WWP2: variants seen among roughly 807,000 people sequenced by gnomAD.
WWP2 encodes NEDD4-like E3 ubiquitin-protein ligase WWP2.
A neutral mutation model predicts 121.0 loss-of-function variants in WWP2; 57 were observed. The ratio of observed to expected loss-of-function variants is 0.47; its 90% CI spans 0.38 to 0.59. WWP2 has a LOEUF of 0.59. WWP2 is among the 20% of genes least tolerant of loss of function. WWP2 has a pLI of 0.00. For missense variants in WWP2, 962 were observed against 1,158.9 expected (o/e 0.83, Z 2.47); for synonymous variants, 449 against 441.3 (o/e 1.02, Z -0.22).
intron 1 of WWP2, among the ~76,000 whole-genome samples, chr16:69,772,942 T>C (rs2055447215): frequency 6.6e-6 from 1 of 152,014 alleles, no homozygotes; most frequent in Non-Finnish European, 1.5e-5. Flanking sequence ...TTCCGTTGTG[T>C]TTTTTTCCCT....
chr16:69,818,837 C>G (rs1304255809), intron 4 of WWP2, among the ~76,000 whole-genome samples: 1 of 152,018 alleles, frequency 6.6e-6, no homozygotes, highest in Admixed American at 6.6e-5. Flanking sequence ...TTAATTTACC[C>G]CCCTTTCATT....
chr16:69,790,649 C>T (rs2055890031), intron 2 of WWP2, among the ~76,000 whole-genome samples: 1 of 152,114 alleles, frequency 6.6e-6, no homozygotes, highest in South Asian at 2.1e-4. Flanking sequence ...GATCTTGGCT[C>T]ACTGCGACCT....
At position 69,940,901 on chromosome 16, in the gene WWP2, T is replaced by C. The variant is rs369500889; in HGVS notation, c.*961T>C. The stretch of plus-strand genomic sequence containing the variant: ...AGCGCCACTCCTAGCCTTGCCGCCT[T>C]CAATAGAGAAGAAATCCCTTTGCTA... On this transcript the variant is annotated 3_prime_UTR_variant, in exon 24 of 24. Coordinates refer to ENST00000359154, the MANE Select transcript of WWP2 (RefSeq NM_001270454.2). The C allele has an allele frequency of 4.6e-5, 7 of 153,702 alleles. No homozygotes were observed. The highest frequency in any genetic ancestry group is 3.9e-4 in the East Asian group (2 of 5,188). The allele number at this position is 153,702 out of a possible 1,614,324, so 9.5% of individuals were successfully genotyped here. A position where few individuals can be genotyped will look rare whatever the true frequency, so the allele number is the denominator to read the frequency against.
chr16:69,797,626 C>T (rs979956918), intron 2 of WWP2, among the ~76,000 whole-genome samples: 1 of 152,136 alleles, frequency 6.6e-6, no homozygotes, highest in African/African-American at 2.4e-5. Context: ...CGGTGGCTCA[C>T]GCCTGTAATC....
chr16:69,819,053 G>A (rs765269791), intron 4 of WWP2, among the ~76,000 whole-genome samples: 1 of 152,044 alleles, frequency 6.6e-6, no homozygotes, highest in African/African-American at 2.4e-5. Flanking sequence ...AAAATCCTCC[G>A]TGCCTTCCTT....
chr16:69,803,731 G>C (rs1039363154), intron 4 of WWP2, among the ~76,000 whole-genome samples: 2 of 152,104 alleles, frequency 1.3e-5, no homozygotes, highest in African/African-American at 4.8e-5. Flanking sequence ...AATATGGTGA[G>C]ACCCTGTCTC....
intron 9 of WWP2, chr16:69,910,361 T>C: frequency 1.0e-6 from 1 of 984,054 alleles, no homozygotes; most frequent in Admixed American, 6.1e-5. Context: ...ACTTGTACTT[T>C]GTGTACTTTA....
chr16:69,871,931 G>A lies in WWP2; in HGVS notation c.703G>A (p.Val235Met). The A allele has an allele frequency of 6.2e-7, 1 of 1,613,170 alleles. No homozygotes were observed. ...SGHSGLANGT[V>M]NDEPTTATDP... The stretch of plus-strand genomic sequence containing the variant: ...CCACAGTGGCTTGGCCAATGGCACA[G>A]GTGAGTGATGGCACCGCACGCCAGC... Residue 235 changes from valine to methionine, a missense_variant and splice_region_variant, in exon 7 of 24, where the codon GTG becomes ATG. This residue lies in a region of WWP2 where 211 missense variants were observed against 196.5 expected (regional missense o/e 1.07). Coordinates refer to ENST00000359154, the MANE Select transcript of WWP2 (RefSeq NM_001270454.2).
intron 4 of WWP2, among the ~76,000 whole-genome samples, chr16:69,832,589 C>T (rs951218750): frequency 3.3e-5 from 5 of 152,136 alleles, no homozygotes; most frequent in African/African-American, 4.8e-5. Flanking sequence ...TCACTCAGTC[C>T]GGAGTGCAGT....
intron 4 of WWP2, among the ~76,000 whole-genome samples, chr16:69,801,669 C>G (rs1403869466): frequency 6.6e-6 from 1 of 152,134 alleles, no homozygotes; most frequent in East Asian, 1.9e-4. Context: ...GCCTCAGCCT[C>G]CGGAATAGCT....
At chr16:69,820,944 C>T (rs990017460) in intron 4 of WWP2, among the ~76,000 whole-genome samples, 1 of 152,242 alleles carries the variant, frequency 6.6e-6, no homozygotes, top group African/African-American at 2.4e-5. Context: ...GTGTCCGGCT[C>T]ACCTCGGAGG....
At chr16:69,848,670 A>G (rs1014630863) in intron 6 of WWP2, among the ~76,000 whole-genome samples, 1 of 149,662 alleles carries the variant, frequency 6.7e-6, no homozygotes, top group African/African-American at 2.4e-5. Flanking sequence ...AAGAAGCTAT[A>G]TATAGAGCCT....
intron 8 of WWP2, among the ~76,000 whole-genome samples, chr16:69,908,421 C>G (rs1255497664): frequency 6.6e-6 from 1 of 152,164 alleles, no homozygotes; most frequent in African/African-American, 2.4e-5. Context: ...CATCATGTTC[C>G]TAAAGGGACC....
chr16:69,894,107 G>A (rs929437991), intron 8 of WWP2, among the ~76,000 whole-genome samples: 2 of 150,386 alleles, frequency 1.3e-5, no homozygotes, highest in African/African-American at 2.5e-5. Flanking sequence ...ATGGAGTCTC[G>A]CTCTGTCACC....
In WWP2 at chr16:69,871,796, AC is replaced by A. The variant is rs780242601; in HGVS notation, c.576-3del. On this transcript the variant is annotated splice_region_variant and splice_polypyrimidine_tract_variant and intron_variant, in intron 6 of 23. Transcript: ENST00000359154. The stretch of plus-strand genomic sequence containing the variant: ...TATGTCTGTCTGCTTTCTACTTTGA[AC>A]CCCCAGGACGCACAGACATTCGGGT... 23 of 1,613,466 alleles carry A rather than the reference AC, an allele frequency of 1.4e-5. No homozygotes were observed. The South Asian group carries it at 2.4e-4, about 17-fold the overall frequency.
At chr16:69,795,022 C>T (rs1597677969) in intron 2 of WWP2, among the ~76,000 whole-genome samples, 1 of 152,066 alleles carries the variant, frequency 6.6e-6, no homozygotes, top group African/African-American at 2.4e-5. Flanking sequence ...TTCCTTGAGC[C>T]CAGGAGTTCG....
Position 69,939,116 on chromosome 16 carries a change from A to C in WWP2, c.2433A>C (p.Glu811Asp), listed in dbSNP as rs749992969. ...TCRLPVGGFAELIGSNGPQKF... is the reference protein window; with the variant it reads ...TCRLPVGGFADLIGSNGPQKF... ...GCCTGCCCGTCGGGGGATTTGCCGA[A>C]CTCATCGGTATGTTTTCTCTCGCCC... The change falls in exon 22 of 24, where the codon GAA becomes GAC. Residue 811 changes from glutamate (E) to aspartate (D), a missense_variant. By Grantham distance (45) the Glu-to-Asp change is conservative (BLOSUM62 2). Transcript: ENST00000359154. 1.9e-6 allele frequency: 3 copies of C among 1,599,092 alleles called. No individual in the cohort carries two copies. The highest frequency in any genetic ancestry group is 1.1e-5 in the South Asian group (1 of 88,958).
At chr16:69,769,949 G>A (rs549887861) in intron 1 of WWP2, among the ~76,000 whole-genome samples, 10 of 148,468 alleles carry the variant, frequency 6.7e-5, no homozygotes, top group Non-Finnish European at 1.2e-4. Flanking sequence ...ATCTCGGCTC[G>A]CTGCAGCCTC....
intron 4 of WWP2, among the ~76,000 whole-genome samples, chr16:69,823,195 A>G (rs962313602): frequency 1.3e-5 from 2 of 152,228 alleles, no homozygotes; most frequent in African/African-American, 4.8e-5. Context: ...GCTTATTTCC[A>G]CATATCTGAA....
Sources: gnomAD v4.1 joint callset for allele counts (sites outside exome capture counted in the v4.1 genomes callset) on GRCh38, gnomAD v4.1.1 for gene constraint, gnomAD v4.1.1 regional missense constraint, MANE v1.5 for transcripts, NCBI Gene and HGNC (gene_info 2026-07-23, HGNC 2026-07-21) for gene names.